ME3: variants seen among roughly 807,000 people sequenced by gnomAD.
The protein encoded by ME3 is malic enzyme 3.
A neutral mutation model predicts 68.9 loss-of-function variants in ME3; 48 were observed. The ratio of observed to expected loss-of-function variants is 0.70; its 90% CI spans 0.55 to 0.89. The LOEUF is 0.89. ME3 is among the 40% of genes least tolerant of loss of function. ME3 has a pLI of 0.00. For synonymous variants in ME3, 320 were observed against 318.8 expected, an observed-to-expected ratio of 1.00 and a Z score of -0.04; for missense variants, 675 against 797.4, an observed-to-expected ratio of 0.85 and a Z score of 1.85.
At chr11:86,606,709 C>A (rs1961714961) in intron 2 of ME3, among the ~76,000 whole-genome samples, 1 of 152,160 alleles carries the variant, frequency 6.6e-6, no homozygotes, top group African/African-American at 2.4e-5. Flanking sequence ...TATAACTCTC[C>A]CAGTACAGAA....
chr11:86,672,251 T>G, intron 1 of ME3, 73 bp downstream of exon 1: 2 of 327,606 alleles, frequency 6.1e-6, no homozygotes. Flanking sequence ...AAGAGGCGAC[T>G]GCGCGGCGAG....
At chr11:86,541,926 C>T (rs1306764076) in intron 4 of ME3, among the ~76,000 whole-genome samples, 4 of 152,296 alleles carry the variant, frequency 2.6e-5, no homozygotes, top group Admixed American at 2.6e-4. Context: ...CTGGTGGTTG[C>T]CCCTCTGGGA....
In ME3 at chr11:86,595,332, G is replaced by GAGAGA. The variant is rs1565186315; in HGVS notation, c.184-35510_184-35509insTCTCT. Among the ~76,000 whole-genome samples, 31 of 134,390 alleles carry GAGAGA rather than the reference G, an allele frequency of 2.3e-4. 3 individuals are homozygous for GAGAGA. The highest frequency in any genetic ancestry group is 8.3e-4 in the African/African-American group (30 of 36,148). The allele number at this position is 134,390 out of a possible 152,430, so 88.2% of individuals were successfully genotyped here. A position where few individuals can be genotyped will look rare whatever the true frequency, so the allele number is the denominator to read the frequency against. On this transcript the variant is annotated intron_variant, in intron 2 of 14. Transcript: ENST00000543262. ...AGAGAGAGAGAGAGAGAGAGAGAGA[G>GAGAGA]CTTATTATGTATCAGTCACTGGTCC...
intron 7 of ME3, among the ~76,000 whole-genome samples, chr11:86,483,766 C>G (rs1467361065): frequency 7.2e-5 from 11 of 152,206 alleles, no homozygotes; most frequent in Non-Finnish European, 7.3e-5. Flanking sequence ...AAAGCTGCTG[C>G]TGACATCAAG....
intron 2 of ME3, among the ~76,000 whole-genome samples, chr11:86,612,260 A>C (rs927456373): frequency 2.0e-5 from 3 of 152,194 alleles, no homozygotes. Context: ...TTTTATAGCC[A>C]CATAGTATTC....
At chr11:86,549,781 AGAG>A (rs991465363) in intron 4 of ME3, among the ~76,000 whole-genome samples, 3 of 152,106 alleles carry the variant, frequency 2.0e-5, no homozygotes, top group African/African-American at 7.3e-5. Context: ...ATTGGGGAAG[AGAG>A]GAGGATGGCA....
At chr11:86,628,173 T>C (rs1313988672) in intron 2 of ME3, among the ~76,000 whole-genome samples, 2 of 152,182 alleles carry the variant, frequency 1.3e-5, no homozygotes. Context: ...GTTCATAAAA[T>C]AATTACATGC....
At chr11:86,664,685 G>A (rs1445008169) in intron 2 of ME3, among the ~76,000 whole-genome samples, 1 of 152,170 alleles carries the variant, frequency 6.6e-6, no homozygotes, top group Non-Finnish European at 1.5e-5. Context: ...GACTCAGAGT[G>A]GAGGGTGGGA....
In ME3 at chr11:86,618,804, A is replaced by G. The variant is rs534498167; in HGVS notation, c.183+52958T>C. Among the ~76,000 whole-genome samples, 9 of 144,678 alleles carry G rather than the reference A, an allele frequency of 6.2e-5. No homozygotes were observed. In the East Asian group the frequency reaches 1.8e-3, roughly 29 times the overall value. The allele number at this position is 144,678 out of a possible 152,430, so 94.9% of individuals were successfully genotyped here. A position where few individuals can be genotyped will look rare whatever the true frequency, so the allele number is the denominator to read the frequency against. ...GTGATCTCGGCTCACTGCAACCTCCACCTCCTGGGTTCAAGCGATTATCCT... is the reference window on the plus strand; with the variant it reads ...GTGATCTCGGCTCACTGCAACCTCCGCCTCCTGGGTTCAAGCGATTATCCT... On this transcript the variant is annotated intron_variant, in intron 2 of 14. Coordinates refer to ENST00000543262, the Ensembl canonical transcript of ME3.
At chr11:86,489,597 A>G (rs139999709) in intron 6 of ME3, among the ~76,000 whole-genome samples, 8 of 152,176 alleles carry the variant, frequency 5.3e-5, no homozygotes, top group Non-Finnish European at 1.0e-4. Flanking sequence ...CTCTCCCTGG[A>G]TTGCTTAATG....
At chr11:86,532,590 G>A (rs1013358718) in intron 4 of ME3, among the ~76,000 whole-genome samples, 1 of 152,140 alleles carries the variant, frequency 6.6e-6, no homozygotes, top group Non-Finnish European at 1.5e-5. Context: ...ATTGAAATAC[G>A]TGGAAATTAA....
At chr11:86,563,990 T>C (rs1957359159) in intron 2 of ME3, among the ~76,000 whole-genome samples, 2 of 152,176 alleles carry the variant, frequency 1.3e-5, no homozygotes, top group Non-Finnish European at 2.9e-5. Flanking sequence ...AAGAATGACC[T>C]TGGTAGCTTA....
At chr11:86,522,315 T>TA (rs1330032359) in intron 4 of ME3, among the ~76,000 whole-genome samples, 2 of 149,166 alleles carry the variant, frequency 1.3e-5, no homozygotes, top group East Asian at 1.9e-4. Context: ...AAAAAAATGG[T>TA]AAAAAATAAC....
At chr11:86,550,111 AG>A in intron 4 of ME3, among the ~76,000 whole-genome samples, 1 of 152,190 alleles carries the variant, frequency 6.6e-6, no homozygotes, top group East Asian at 1.9e-4. Flanking sequence ...GCTCCACTTC[AG>A]GGATTCTGAT....
chr11:86,584,121 A>G (rs535975425), intron 2 of ME3, among the ~76,000 whole-genome samples: 1 of 152,262 alleles, frequency 6.6e-6, no homozygotes, highest in South Asian at 2.1e-4. Context: ...CTCAATGGCA[A>G]CCCCCTCCAA....
intron 4 of ME3, among the ~76,000 whole-genome samples, chr11:86,518,612 A>G (rs1039394738): frequency 1.3e-5 from 2 of 152,136 alleles, no homozygotes; most frequent in Non-Finnish European, 2.9e-5. Flanking sequence ...CAATTTGTGT[A>G]TTTTTCTCTT....
At chr11:86,549,647 T>C (rs1437121218) in intron 4 of ME3, among the ~76,000 whole-genome samples, 2 of 152,242 alleles carry the variant, frequency 1.3e-5, no homozygotes, top group East Asian at 3.8e-4. Flanking sequence ...TAATCTATTA[T>C]TGACATCACA....
intron 7 of ME3, among the ~76,000 whole-genome samples, chr11:86,472,241 G>A (rs80290605): frequency 0.041 from 6,251 of 152,278 alleles, 127 homozygotes; most frequent in South Asian, 0.096. Flanking sequence ...GGGAGGACAT[G>A]GGGAGAAATG....
intron 2 of ME3, among the ~76,000 whole-genome samples, chr11:86,583,582 AC>A (rs1448012912): frequency 6.6e-6 from 1 of 152,220 alleles, no homozygotes; most frequent in Non-Finnish European, 1.5e-5. Flanking sequence ...TCGAAGAAAT[AC>A]TACAAAGCAG....
Sources: allele counts gnomAD v4.1 joint callset (sites outside exome capture counted in the v4.1 genomes callset), GRCh38; gene constraint gnomAD v4.1.1; transcripts MANE v1.5; gene names NCBI Gene and HGNC (gene_info 2026-07-23, HGNC 2026-07-21).